ANXA11: variants seen among roughly 807,000 people sequenced by gnomAD.
ANXA11 encodes 56 kDa autoantigen.
Under a neutral mutation model 64.7 loss-of-function variants are expected in ANXA11, and 57 were observed. The observed-to-expected ratio is 0.88, with a 90% CI of 0.71 to 1.10. The LOEUF is 1.10. ANXA11 is among the 50% of genes least tolerant of loss of function. ANXA11 has a pLI of 0.00. For synonymous variants in ANXA11, 260 were observed against 265.2 expected (o/e 0.98, Z 0.19); for missense variants, 675 against 670.7 (o/e 1.01, Z -0.07).
chr10:80,188,876 G>A (rs1438289541), intron 1 of ANXA11, among the ~76,000 whole-genome samples: 2 of 152,100 alleles, frequency 1.3e-5, no homozygotes, highest in Non-Finnish European at 1.5e-5. Context: ...TCAGGCTCCC[G>A]CCAGGGGACC....
intron 1 of ANXA11, among the ~76,000 whole-genome samples, chr10:80,189,949 A>G (rs1846698264): frequency 6.6e-6 from 1 of 152,228 alleles, no homozygotes; most frequent in Admixed American, 6.5e-5. Context: ...AACAGAAGAA[A>G]ACTGACATAT....
chr10:80,163,824 A>T (rs1206563532), intron 9 of ANXA11, among the ~76,000 whole-genome samples: 2 of 152,152 alleles, frequency 1.3e-5, no homozygotes, highest in Non-Finnish European at 2.9e-5. Context: ...GGCCCAAACC[A>T]CATCCAGGTT....
At chr10:80,157,793 A>C in intron 14 of ANXA11, 30 bp from the exon 15 acceptor site, 1 of 1,604,550 alleles carries the variant, frequency 6.2e-7, no homozygotes, top group South Asian at 1.1e-5. Context: ...GAGCATGAGC[A>C]CCAGGCCTCC....
intron 1 of ANXA11, 68 bp downstream of exon 1, chr10:80,205,275 C>G (rs1184136050): frequency 6.6e-6 from 1 of 151,806 alleles, no homozygotes; most frequent in Non-Finnish European, 1.5e-5. Context: ...CGGGCCTCAC[C>G]CGCGGCGCCG....
intron 12 of ANXA11, among the ~76,000 whole-genome samples, chr10:80,160,998 C>G (rs1845481107): frequency 6.6e-6 from 1 of 152,184 alleles, no homozygotes. Flanking sequence ...ACCACCATTC[C>G]TCCCCGGGTC....
intron 8 of ANXA11, 136 bp from the exon 9 acceptor site, chr10:80,164,279 C>A: frequency 1.6e-6 from 1 of 640,524 alleles, no homozygotes; most frequent in Non-Finnish European, 2.7e-6. Context: ...CACCCTCCAG[C>A]CACTCCCAGG....
At chr10:80,197,154 G>A (rs1840205400) in intron 1 of ANXA11, among the ~76,000 whole-genome samples, 1 of 152,136 alleles carries the variant, frequency 6.6e-6, no homozygotes, top group African/African-American at 2.4e-5. Context: ...CTCAGAGCTG[G>A]CTGGGGGCAG....
At chr10:80,193,469 A>T (rs528167808) in intron 1 of ANXA11, among the ~76,000 whole-genome samples, 52 of 152,310 alleles carry the variant, frequency 3.4e-4, no homozygotes, top group Non-Finnish European at 4.1e-4. Flanking sequence ...ATATTTTTAC[A>T]ATATAGCAAT....
At chr10:80,194,159 G>C (rs951302770) in intron 1 of ANXA11, among the ~76,000 whole-genome samples, 1 of 152,200 alleles carries the variant, frequency 6.6e-6, no homozygotes, top group Admixed American at 6.5e-5. Flanking sequence ...TCCAGGTTTT[G>C]TGGGGCCTGA....
At chr10:80,171,550 G>T in intron 3 of ANXA11, 1 of 885,762 alleles carries the variant, frequency 1.1e-6, no homozygotes, top group Non-Finnish European at 1.4e-6. Context: ...TGTTTCCTCA[G>T]CTTACAAATG....
chr10:80,174,605 T>C (rs1206637910), intron 2 of ANXA11, among the ~76,000 whole-genome samples: 1 of 151,778 alleles, frequency 6.6e-6, no homozygotes, highest in Non-Finnish European at 1.5e-5. Flanking sequence ...AGCGTCTCAC[T>C]CTATCACCCA....
chr10:80,175,824 A>AGGT (rs1295139414), intron 2 of ANXA11, among the ~76,000 whole-genome samples: 1 of 152,136 alleles, frequency 6.6e-6, no homozygotes, highest in Non-Finnish European at 1.5e-5. Context: ...TGGGAGGCCG[A>AGGT]GGTGGGCAGA....
intron 2 of ANXA11, among the ~76,000 whole-genome samples, chr10:80,175,506 C>T (rs1028649114): frequency 6.6e-6 from 1 of 151,956 alleles, no homozygotes; most frequent in Non-Finnish European, 1.5e-5. Context: ...AAGTAAATTC[C>T]AGCCAGGCCA....
At chr10:80,180,621 C>G (rs180750878) in intron 1 of ANXA11, among the ~76,000 whole-genome samples, 26 of 151,080 alleles carry the variant, frequency 1.7e-4, no homozygotes, top group Non-Finnish European at 3.2e-4. Flanking sequence ...AGTCTGGTGG[C>G]TGGAATATTG....
intron 1 of ANXA11, among the ~76,000 whole-genome samples, chr10:80,185,254 C>G (rs572797329): frequency 6.6e-6 from 1 of 152,196 alleles, no homozygotes; most frequent in Non-Finnish European, 1.5e-5. Context: ...CAGATCTAAC[C>G]GGGATGCCCA....
chr10:80,166,280 C>T, intron 7 of ANXA11, 83 bp from the exon 8 acceptor site: 1 of 785,586 alleles, frequency 1.3e-6, no homozygotes. Context: ...TAATAAGAGC[C>T]ATATCCCAGA....
At chr10:80,201,585 T>C (rs1022801614) in intron 1 of ANXA11, among the ~76,000 whole-genome samples, 4 of 152,222 alleles carry the variant, frequency 2.6e-5, no homozygotes, top group African/African-American at 9.6e-5. Context: ...ACCAGGTGGA[T>C]GACTCTAGGG....
intron 12 of ANXA11, among the ~76,000 whole-genome samples, chr10:80,161,491 C>T (rs1845500282): frequency 6.6e-6 from 1 of 152,240 alleles, no homozygotes; most frequent in Non-Finnish European, 1.5e-5. Context: ...ATGGAACACA[C>T]TCTGCAGTGC....
chr10:80,170,903 C>T lies in ANXA11; in HGVS notation c.68G>A (p.Trp23Ter). Reference protein sequence around the residue: ...YPPAAPGGGPWGGAAYPPPPS... With the variant: ...YPPAAPGGGP ...CGGAGGAGGGTAGGCAGCACCTCCCCAGGGACCACCACCTGAAAGCAACAC... is the reference window on the plus strand; with the variant it reads ...CGGAGGAGGGTAGGCAGCACCTCCCTAGGGACCACCACCTGAAAGCAACAC... The change falls in exon 4 of 16, where the codon TGG becomes TAG. Residue 23 changes from tryptophan (W) to a stop codon, truncating the protein, a stop_gained. Transcript: ENST00000422982. LOFTEE classifies it high-confidence loss of function. The T allele has an allele frequency of 6.3e-7, 1 of 1,586,886 alleles. No homozygotes were observed. The highest frequency in any genetic ancestry group is 1.7e-4 in the Middle Eastern group (1 of 5,950).
Sources: allele counts gnomAD v4.1 joint callset (sites outside exome capture counted in the v4.1 genomes callset), GRCh38; gene constraint gnomAD v4.1.1; transcripts MANE v1.5; gene names NCBI Gene and HGNC (gene_info 2026-07-23, HGNC 2026-07-21).